GUCA1B: variants seen among roughly 807,000 people sequenced by gnomAD.
GUCA1B encodes guanylyl cyclase-activating protein 2.
In GUCA1B, 22 loss-of-function variants were observed where a neutral mutation model predicts 24.2. The observed-to-expected ratio is 0.91, with a 90% CI of 0.65 to 1.30. The LOEUF is 1.30. GUCA1B is among the 50% of genes most tolerant of loss of function. The pLI is 0.00. For missense variants in GUCA1B, 221 were observed against 258.8 expected, an observed-to-expected ratio of 0.85 and a Z score of 1.00; for synonymous variants, 100 against 97.9, an observed-to-expected ratio of 1.02 and a Z score of -0.13.
At position 42,191,765 on chromosome 6, in the gene GUCA1B, T is replaced by C. The variant is rs79213295; in HGVS notation, c.207+2849A>G. On this transcript the variant is annotated intron_variant, in intron 1 of 3. Transcript: ENST00000230361. ...CTTTACAATGTTGAAACATGGCAGATACCACCTTAACCAAGTGATCAAAGT... is the reference window on the plus strand; with the variant it reads ...CTTTACAATGTTGAAACATGGCAGACACCACCTTAACCAAGTGATCAAAGT... 6.5e-3 allele frequency among the ~76,000 whole-genome samples: 986 copies of C among 152,246 alleles called. 6 individuals are homozygous for C. The highest frequency in any genetic ancestry group is 0.012 in the Non-Finnish European group (796 of 68,016).
chr6:42,193,573 AGGCGGAGCGCTGAGAAGTCCGAAACT>A (rs1168397660), intron 1 of GUCA1B, among the ~76,000 whole-genome samples: 1 of 152,158 alleles, frequency 6.6e-6, no homozygotes, highest in Non-Finnish European at 1.5e-5. Context: ...GACCTAAGAG[AGGCGGAGCGCTGAGAAGTCCGAAACT>A]GGCTCTGTGC....
Position 42,187,369 on chromosome 6 carries a change from G to A in GUCA1B, c.357+1213C>T, listed in dbSNP as rs565875817. ...TCTTCCTGCCTCGGCCTCCCAAAGT[G>A]CTGGGATTACAGGCGTGGGCCACCG... is the stretch of plus-strand genomic sequence containing the variant. On this transcript the variant is annotated intron_variant, in intron 2 of 3. Coordinates refer to ENST00000230361, the MANE Select transcript of GUCA1B (RefSeq NM_002098.6). Among the ~76,000 whole-genome samples, 7 of 150,672 alleles carry A rather than the reference G, an allele frequency of 4.6e-5. No homozygotes were observed. The East Asian group carries it at 9.7e-4, about 21-fold the overall frequency.
rs527241870 is a variant in GUCA1B at position 42,185,768 on chromosome 6, C to T, written c.387G>A (p.Arg129=). The change falls in exon 3 of 4, where the codon CGG becomes CGA. Residue 129 remains arginine, a synonymous_variant. Transcript: ENST00000230361. The stretch of plus-strand genomic sequence containing the variant: ...GGCCTTGCTCAGTTTGTAGCTCTCG[C>T]CGGCAGGCTTTCTTCAGCTGGTAAA... ...EGIYQLKKAC[R]RELQTEQGQL... 10 of 1,613,092 alleles carry T rather than the reference C, an allele frequency of 6.2e-6. No homozygotes were observed. The highest frequency in any genetic ancestry group is 5.5e-5 in the South Asian group (5 of 91,074).
At chr6:42,185,551 T>C (rs199886698) in intron 3 of GUCA1B, 129 bp downstream of exon 3, 1 of 702,620 alleles carries the variant, frequency 1.4e-6, no homozygotes, top group East Asian at 2.7e-5. Flanking sequence ...TCATGACATC[T>C]TCTCCACAGC....
At chr6:42,193,478 T>C (rs552059396) in intron 1 of GUCA1B, among the ~76,000 whole-genome samples, 43 of 152,382 alleles carry the variant, frequency 2.8e-4, no homozygotes, top group African/African-American at 9.9e-4. Flanking sequence ...ATCGATTCAT[T>C]CCCTTTTGCC....
At chr6:42,192,400 G>T (rs1181183295) in intron 1 of GUCA1B, among the ~76,000 whole-genome samples, 1 of 60,524 alleles carries the variant, frequency 1.7e-5, no homozygotes, top group Non-Finnish European at 3.4e-5. Flanking sequence ...GAAAAGAAAA[G>T]AAAAGAAAAA....
intron 1 of GUCA1B, among the ~76,000 whole-genome samples, chr6:42,190,727 A>C (rs1768290752): frequency 1.3e-5 from 2 of 152,166 alleles, no homozygotes; most frequent in Admixed American, 1.3e-4. Flanking sequence ...ATCACGTCGG[A>C]AGAACTTGCA....
intron 1 of GUCA1B, among the ~76,000 whole-genome samples, chr6:42,193,524 T>C (rs1402737754): frequency 2.6e-5 from 4 of 152,190 alleles, no homozygotes; most frequent in Non-Finnish European, 5.9e-5. Context: ...ATAACAAAAG[T>C]CTGCCCCTCC....
Position 42,184,729 on chromosome 6 carries a change from G to T in GUCA1B, c.*86C>A. On this transcript the variant is annotated 3_prime_UTR_variant, in exon 4 of 4. Transcript: ENST00000230361. ...CCAGGAAGTCAACACCAGGGGAAGA[G>T]TGGGCATGAGCAGGCTGAGCCAGGG... 7.6e-7 allele frequency: 1 copy of T among 1,315,422 alleles called. No individual in the cohort carries two copies. The highest frequency in any genetic ancestry group is 1.1e-6 in the Non-Finnish European group (1 of 912,734). The allele number at this position is 1,315,422 out of a possible 1,614,324, so 81.5% of individuals were successfully genotyped here.
intron 1 of GUCA1B, among the ~76,000 whole-genome samples, chr6:42,190,287 T>G (rs968153764): frequency 6.6e-6 from 1 of 152,052 alleles, no homozygotes; most frequent in Non-Finnish European, 1.5e-5. Context: ...CAGATTATAT[T>G]TATAATTTTG....
At chr6:42,193,471 G>A (rs1296788098) in intron 1 of GUCA1B, among the ~76,000 whole-genome samples, 1 of 152,154 alleles carries the variant, frequency 6.6e-6, no homozygotes, top group East Asian at 1.9e-4. Context: ...TGGGCAAATC[G>A]ATTCATTCCC....
chr6:42,191,058 A>G (rs1018796214), intron 1 of GUCA1B, among the ~76,000 whole-genome samples: 1 of 152,176 alleles, frequency 6.6e-6, no homozygotes, highest in Admixed American at 6.5e-5. Flanking sequence ...TCTGCTATGC[A>G]TGGGACCTTG....
rs1226027603 is a variant in GUCA1B, at chr6:42,183,604, G to C, written c.*1211C>G. ...GTTCGCCTAGTCCGACCTGCTCACT[G>C]TGCTGCCAAGACATAACCAAGGTTA... On this transcript the variant is annotated 3_prime_UTR_variant, in exon 4 of 4. Transcript: ENST00000230361. Among the ~76,000 whole-genome samples, 6 of 152,306 alleles carry C rather than the reference G, an allele frequency of 3.9e-5. No homozygotes were observed. The highest frequency in any genetic ancestry group is 1.4e-4 in the African/African-American group (6 of 41,576).
chr6:42,185,834 C>T lies in GUCA1B; in HGVS notation c.358-37G>A, dbSNP rs185385861. The T allele has an allele frequency of 5.5e-6, 7 of 1,269,494 alleles. No individual in the cohort carries two copies. In the East Asian group the frequency reaches 1.4e-4, roughly 25 times the overall value. 78.6% of individuals were successfully genotyped at this position (1,269,494 alleles called of 1,614,324 possible). A position where few individuals can be genotyped will look rare whatever the true frequency, so the allele number is the denominator to read the frequency against. ...AACTCAGCTGCATTGACGGGAGACC[C>T]TGAAAGCTCCACCTTCACCCCAGTG... is the stretch of plus-strand genomic sequence containing the variant. On this transcript the variant is annotated intron_variant, in intron 2 of 3. Coordinates refer to ENST00000230361, the MANE Select transcript of GUCA1B (RefSeq NM_002098.6).
rs1365897651 is a variant in GUCA1B, at chr6:42,185,727, T to A, written c.428A>T (p.Glu143Val). ...QTEQGQLLTP[E>V]EVVDRIFLLV... ...GAGGAAGATCCTGTCCACGACCTCC[T>A]CGGGTGTGAGCAGCTGGCCTTGCTC... The change falls in exon 3 of 4, where the codon GAG (glutamate) becomes GTG (valine). Residue 143 changes from glutamate to valine, a missense_variant. By Grantham distance (121) the Glu-to-Val change is moderately radical. Transcript: ENST00000230361. The A allele has an allele frequency of 6.2e-7, 1 of 1,613,096 alleles. No individual in the cohort carries two copies. Among genetic ancestry groups the A allele is most frequent in the African/African-American group, 1.3e-5 (1 of 74,906 alleles).
At chr6:42,189,109 C>G (rs1326502442) in intron 1 of GUCA1B, among the ~76,000 whole-genome samples, 2 of 152,206 alleles carry the variant, frequency 1.3e-5, no homozygotes, top group East Asian at 3.9e-4. Flanking sequence ...TTCTCATTTT[C>G]TATGATCACC....
intron 1 of GUCA1B, among the ~76,000 whole-genome samples, chr6:42,192,273 G>C (rs1458903212): frequency 1.5e-5 from 2 of 135,702 alleles, no homozygotes; most frequent in East Asian, 4.7e-4. Context: ...AGAATCGCTT[G>C]AACCTGGGAG....
intron 2 of GUCA1B, among the ~76,000 whole-genome samples, chr6:42,186,922 A>C (rs952637049): frequency 1.3e-5 from 2 of 152,148 alleles, no homozygotes; most frequent in Admixed American, 1.3e-4. Context: ...CCCAGGGAAC[A>C]CGCCAGAGTC....
chr6:42,192,848 T>C (rs1768333743), intron 1 of GUCA1B, among the ~76,000 whole-genome samples: 1 of 151,830 alleles, frequency 6.6e-6, no homozygotes, highest in Admixed American at 6.6e-5. Flanking sequence ...GCTGAAATCA[T>C]GCCACTGGGT....
Sources: gnomAD v4.1 joint callset for allele counts (sites outside exome capture counted in the v4.1 genomes callset) on GRCh38, gnomAD v4.1.1 for gene constraint, MANE v1.5 for transcripts, NCBI Gene and HGNC (gene_info 2026-07-23, HGNC 2026-07-21) for gene names.